ULK4: variants seen among roughly 807,000 people sequenced by gnomAD.
ULK4 encodes unc-51 like kinase 4.
A neutral mutation model predicts 160.6 loss-of-function variants in ULK4; 133 were observed. The observed-to-expected ratio is 0.83, with a 90% CI of 0.72 to 0.96. The LOEUF (loss-of-function observed/expected upper bound fraction) is 0.96, where lower values mean the gene tolerates loss of function less well. Among genes scored for constraint, ULK4 ranks in the 40% least tolerant of loss-of-function variants. The probability of loss-of-function intolerance (pLI) is 0.00; values close to 1 mark genes in which losing one functional copy is unlikely to be tolerated. For synonymous variants in ULK4, 534 were observed against 539.8 expected (o/e 0.99, Z 0.15); for missense variants, 1,580 against 1,499.5 (o/e 1.05, Z -0.89).
intron 35 of ULK4, among the ~76,000 whole-genome samples, chr3:41,363,210 T>A (rs2081183110): frequency 6.6e-6 from 1 of 152,152 alleles, no homozygotes; most frequent in Non-Finnish European, 1.5e-5. Context: ...CCCACAGTAA[T>A]TGGCAATGGT....
At chr3:41,585,231 A>G (rs541287709) in intron 31 of ULK4, among the ~76,000 whole-genome samples, 23 of 152,292 alleles carry the variant, frequency 1.5e-4, no homozygotes, top group Admixed American at 1.2e-3. Flanking sequence ...AAGATGTACA[A>G]ACTTCTCCAA....
At chr3:41,918,831 G>A (rs1030086111) in intron 6 of ULK4, among the ~76,000 whole-genome samples, 1 of 151,972 alleles carries the variant, frequency 6.6e-6, no homozygotes, top group East Asian at 1.9e-4. Flanking sequence ...TCAATCTCCT[G>A]ACCTCGTGAT....
chr3:41,289,936 C>T (rs2079530556), intron 35 of ULK4, among the ~76,000 whole-genome samples: 1 of 152,098 alleles, frequency 6.6e-6, no homozygotes, highest in African/African-American at 2.4e-5. Flanking sequence ...AGCACAATGG[C>T]ACGATCTCGG....
intron 30 of ULK4, among the ~76,000 whole-genome samples, chr3:41,647,251 TGGA>T (rs1412651618): frequency 6.6e-6 from 1 of 152,242 alleles, no homozygotes; most frequent in African/African-American, 2.4e-5. Flanking sequence ...TGCATTCCTT[TGGA>T]GGAGGAGAGG....
At chr3:41,526,598 G>A (rs2086124934) in intron 32 of ULK4, among the ~76,000 whole-genome samples, 1 of 152,140 alleles carries the variant, frequency 6.6e-6, no homozygotes, top group Admixed American at 6.5e-5. Context: ...ATCACCATAG[G>A]GACATCACTG....
chr3:41,408,936 T>C (rs1466181536), intron 34 of ULK4, among the ~76,000 whole-genome samples: 4 of 152,094 alleles, frequency 2.6e-5, no homozygotes, highest in East Asian at 1.9e-4. Context: ...TCACACCATA[T>C]ATAAAAATTA....
intron 21 of ULK4, among the ~76,000 whole-genome samples, chr3:41,782,940 T>A (rs17081304): frequency 1.3e-5 from 2 of 151,760 alleles, no homozygotes; most frequent in Non-Finnish European, 2.9e-5. Context: ...GTTGCATAAA[T>A]TGACTTAAAC....
intron 32 of ULK4, among the ~76,000 whole-genome samples, chr3:41,521,566 T>G (rs1215762080): frequency 6.6e-6 from 1 of 152,228 alleles, no homozygotes; most frequent in Non-Finnish European, 1.5e-5. Flanking sequence ...AGAATCTATT[T>G]GGGTTGGTAA....
intron 2 of ULK4, among the ~76,000 whole-genome samples, chr3:41,951,098 T>C (rs1320044510): frequency 2.1e-5 from 3 of 142,828 alleles, no homozygotes; most frequent in African/African-American, 5.3e-5. Flanking sequence ...TAAGCCGAGA[T>C]TGTGTCACTG....
chr3:41,731,048 C>T (rs1006741185), intron 22 of ULK4, among the ~76,000 whole-genome samples: 1 of 151,788 alleles, frequency 6.6e-6, no homozygotes, highest in African/African-American at 2.4e-5. Flanking sequence ...CAATAATGGC[C>T]ATATATGACA....
At chr3:41,323,391 A>AC (rs1553642965) in intron 35 of ULK4, among the ~76,000 whole-genome samples, 2 of 120,266 alleles carry the variant, frequency 1.7e-5, no homozygotes, top group East Asian at 2.6e-4. Context: ...CCTGAACAAT[A>AC]ACACACACAC....
intron 22 of ULK4, among the ~76,000 whole-genome samples, chr3:41,738,068 T>TAA (rs58772608): frequency 0.12 from 17,691 of 151,706 alleles, 3,605 homozygotes; most frequent in African/African-American, 0.4. Context: ...AGCAAAAACT[T>TAA]AAAATATGTA....
intron 35 of ULK4, among the ~76,000 whole-genome samples, chr3:41,283,649 T>C (rs2079403883): frequency 6.6e-6 from 1 of 151,880 alleles, no homozygotes; most frequent in African/African-American, 2.4e-5. Context: ...TCTCAGCGGG[T>C]AGGGGGCTGG....
chr3:41,840,268 A>C (rs1318897052), intron 17 of ULK4, among the ~76,000 whole-genome samples: 1 of 152,104 alleles, frequency 6.6e-6, no homozygotes, highest in African/African-American at 2.4e-5. Context: ...GTCTCTACAA[A>C]AATAATTTTA....
intron 27 of ULK4, among the ~76,000 whole-genome samples, chr3:41,699,125 G>C (rs1025140298): frequency 9.2e-5 from 14 of 152,094 alleles, no homozygotes; most frequent in African/African-American, 3.4e-4. Flanking sequence ...TAAAATTGCT[G>C]AGTCACAGTA....
At chr3:41,725,009 G>A (rs1358856333) in intron 22 of ULK4, among the ~76,000 whole-genome samples, 1 of 152,084 alleles carries the variant, frequency 6.6e-6, no homozygotes, top group Non-Finnish European at 1.5e-5. Flanking sequence ...TTTCTGTTAA[G>A]AGACCACTGT....
chr3:41,483,785 A>G (rs886696984), intron 32 of ULK4, among the ~76,000 whole-genome samples: 2 of 152,216 alleles, frequency 1.3e-5, no homozygotes. Flanking sequence ...GTAATATCCA[A>G]GTGGGACCAT....
intron 22 of ULK4, among the ~76,000 whole-genome samples, chr3:41,723,590 T>C (rs533266239): frequency 1.3e-5 from 2 of 152,300 alleles, no homozygotes; most frequent in South Asian, 2.1e-4. Context: ...GATCAAATAT[T>C]TGGCAAAATC....
intron 30 of ULK4, among the ~76,000 whole-genome samples, chr3:41,633,807 AG>A (rs1202174083): frequency 5.3e-5 from 8 of 152,270 alleles, no homozygotes; most frequent in Admixed American, 5.2e-4. Context: ...AAATGACTCC[AG>A]GTACTTGATT....
Sources: allele counts gnomAD v4.1 joint callset (sites outside exome capture counted in the v4.1 genomes callset), GRCh38; gene constraint gnomAD v4.1.1; transcripts MANE v1.5; gene names NCBI Gene and HGNC (gene_info 2026-07-23, HGNC 2026-07-21).